DDX10: variants seen among roughly 807,000 people sequenced by gnomAD.
DDX10 encodes the protein DEAD-box helicase 10.
DDX10 carries 74 observed loss-of-function variants against 104.3 expected under a neutral mutation model. That is an observed-to-expected ratio of 0.71 (90% CI 0.59 to 0.86). The LOEUF is 0.86. Ranked by LOEUF, DDX10 falls within the 40% of genes least tolerant of loss-of-function variation. The pLI, the probability that DDX10 is intolerant of heterozygous loss-of-function variation, is 0.00. For missense variants in DDX10, 952 were observed against 1,040.0 expected (o/e 0.92, Z 1.16); for synonymous variants, 351 against 353.4 (o/e 0.99, Z 0.08).
chr11:108,842,932 C>A (rs2134597240), intron 15 of DDX10, among the ~76,000 whole-genome samples: 1 of 152,290 alleles, frequency 6.6e-6, no homozygotes, highest in East Asian at 1.9e-4. Context: ...CCCTTCCTTG[C>A]CATCTCTTTT....
At chr11:108,731,122 C>T (rs1037021123) in intron 13 of DDX10, among the ~76,000 whole-genome samples, 4 of 151,092 alleles carry the variant, frequency 2.6e-5, no homozygotes, top group African/African-American at 9.7e-5. Context: ...CCGATCTTGG[C>T]TCACTGAAAC....
chr11:108,836,555 C>G (rs1011909692), intron 13 of DDX10, among the ~76,000 whole-genome samples: 1 of 152,146 alleles, frequency 6.6e-6, no homozygotes, highest in African/African-American at 2.4e-5. Flanking sequence ...GGCACAATCT[C>G]AGGTCACTGC....
chr11:108,667,582 C>A (rs1343295827), intron 1 of DDX10, among the ~76,000 whole-genome samples: 1 of 152,162 alleles, frequency 6.6e-6, no homozygotes, highest in Non-Finnish European at 1.5e-5. Flanking sequence ...AAGTTATTAG[C>A]CACCCAGAGT....
At chr11:108,828,529 T>G (rs1261731687) in intron 13 of DDX10, among the ~76,000 whole-genome samples, 3 of 152,172 alleles carry the variant, frequency 2.0e-5, no homozygotes, top group African/African-American at 7.2e-5. Context: ...TATCCACATT[T>G]TCTTTTTTTT....
At chr11:108,902,875 T>A (rs924174012) in intron 16 of DDX10, among the ~76,000 whole-genome samples, 29 of 152,292 alleles carry the variant, frequency 1.9e-4, no homozygotes, top group Non-Finnish European at 3.8e-4. Context: ...TGTAAAAAAA[T>A]TTGCACCTTT....
chr11:108,885,107 T>C (rs993847921), intron 16 of DDX10, among the ~76,000 whole-genome samples: 4 of 152,200 alleles, frequency 2.6e-5, no homozygotes, highest in African/African-American at 7.2e-5. Flanking sequence ...ATACTCTTTG[T>C]CACATTGTTT....
intron 5 of DDX10, among the ~76,000 whole-genome samples, chr11:108,678,998 A>G (rs1464365570): frequency 6.7e-6 from 1 of 149,326 alleles, no homozygotes; most frequent in Non-Finnish European, 1.5e-5. Flanking sequence ...AGCTGGGACT[A>G]CAGGTGTGCA....
At chr11:108,708,326 G>A (rs1226858222) in intron 10 of DDX10, among the ~76,000 whole-genome samples, 2 of 134,026 alleles carry the variant, frequency 1.5e-5, no homozygotes, top group Non-Finnish European at 3.1e-5. Flanking sequence ...GCCTGGTGAT[G>A]TGATGGAGTA....
Position 108,745,853 on chromosome 11 carries a change from A to G in DDX10, c.1965+22391A>G, listed in dbSNP as rs149632682. Among the ~76,000 whole-genome samples the G allele has an allele frequency of 3.1e-3, 474 of 152,288 alleles. 1 individual carries two copies. Among genetic ancestry groups the G allele is most frequent in the Middle Eastern group, 0.014 (4 of 294 alleles). On this transcript the variant is annotated intron_variant, in intron 13 of 17. Transcript: ENST00000322536. ...TAGATATGTTGAAAATTAGTGCATC[A>G]TGTTATTCCATTGTTTTTCTTTTAG...
At chr11:108,880,906 T>G (rs1031322019) in intron 16 of DDX10, among the ~76,000 whole-genome samples, 3 of 152,220 alleles carry the variant, frequency 2.0e-5, no homozygotes, top group Non-Finnish European at 2.9e-5. Context: ...ATTTTTTATT[T>G]TGTAGCCTAA....
At chr11:108,668,551 C>CT (rs1191869614) in intron 1 of DDX10, among the ~76,000 whole-genome samples, 2 of 152,140 alleles carry the variant, frequency 1.3e-5, no homozygotes, top group Non-Finnish European at 2.9e-5. Flanking sequence ...AAGGTGCAGG[C>CT]CCTCACTATG....
At chr11:108,859,966 G>C (rs1178155790) in intron 16 of DDX10, among the ~76,000 whole-genome samples, 1 of 152,060 alleles carries the variant, frequency 6.6e-6, no homozygotes, top group African/African-American at 2.4e-5. Flanking sequence ...CATAATTTCT[G>C]ATATAGTATA....
intron 13 of DDX10, among the ~76,000 whole-genome samples, chr11:108,800,673 G>T (rs991995965): frequency 6.6e-6 from 1 of 152,034 alleles, no homozygotes; most frequent in Non-Finnish European, 1.5e-5. Context: ...ATCAATATGG[G>T]AAACTATTGT....
At chr11:108,779,140 G>A (rs2094374364) in intron 13 of DDX10, among the ~76,000 whole-genome samples, 1 of 152,138 alleles carries the variant, frequency 6.6e-6, no homozygotes, top group African/African-American at 2.4e-5. Flanking sequence ...GATTCCTCAG[G>A]GATCTAGAAC....
At chr11:108,867,806 A>T (rs573844502) in intron 16 of DDX10, among the ~76,000 whole-genome samples, 2 of 152,160 alleles carry the variant, frequency 1.3e-5, no homozygotes, top group Non-Finnish European at 2.9e-5. Context: ...AACAGATATC[A>T]TGACTTTAAA....
chr11:108,934,891 AGTGTTCTGGGGGTGCTCCCACAC>A (rs1249916311), intron 17 of DDX10, among the ~76,000 whole-genome samples: 5 of 152,156 alleles, frequency 3.3e-5, no homozygotes, highest in Admixed American at 2.6e-4. Context: ...GACTGGATTG[AGTGTTCTGGGGGTGCTCCCACAC>A]GTGACACTCT....
At chr11:108,780,964 A>G (rs1029888778) in intron 13 of DDX10, among the ~76,000 whole-genome samples, 6 of 152,182 alleles carry the variant, frequency 3.9e-5, no homozygotes, top group Non-Finnish European at 5.9e-5. Flanking sequence ...TATTTTAGAT[A>G]CAGGGGATAC....
At chr11:108,929,828 T>A (rs1459806657) in intron 17 of DDX10, 2 of 152,210 alleles carry the variant, frequency 1.3e-5, no homozygotes, top group African/African-American at 2.4e-5. Flanking sequence ...ACTAACTCTT[T>A]TAAACTATAC....
At chr11:108,851,641 A>G (rs1251936199) in intron 15 of DDX10, among the ~76,000 whole-genome samples, 1 of 152,132 alleles carries the variant, frequency 6.6e-6, no homozygotes, top group East Asian at 1.9e-4. Context: ...TAACCCCTGA[A>G]TGTTAACATT....
Sources: allele counts gnomAD v4.1 joint callset (sites outside exome capture counted in the v4.1 genomes callset), GRCh38; gene constraint gnomAD v4.1.1; transcripts MANE v1.5; gene names NCBI Gene and HGNC (gene_info 2026-07-23, HGNC 2026-07-21).